The following DNAH8 variants were observed in gnomAD, a reference collection of about 807,000 sequenced individuals.
DNAH8 encodes dynein axonemal heavy chain 8.
In DNAH8, 382 loss-of-function variants were observed where a neutral mutation model predicts 562.1. That is an observed-to-expected ratio of 0.68 (90% CI 0.63 to 0.74). The LOEUF is 0.74. Among genes scored for constraint, DNAH8 ranks in the 30% least tolerant of loss-of-function variants. The pLI is 0.00. For missense variants in DNAH8, 5,203 were observed against 5,620.4 expected, an observed-to-expected ratio of 0.93 and a Z score of 2.37; for synonymous variants, 1,881 against 1,919.4, an observed-to-expected ratio of 0.98 and a Z score of 0.52.
rs57355402 is a variant in DNAH8 at position 38,937,721 on chromosome 6, T to C, written c.11564-253T>C. Among the ~76,000 whole-genome samples the C allele has an allele frequency of 0.091, 13,785 of 152,086 alleles. 821 individuals are homozygous for C. The highest frequency in any genetic ancestry group is 0.28 in the East Asian group (1,454 of 5,158). ...TGTGAAGACCCAATCAAATGGGTCT[T>C]TTGCTTTTTGCAGATGTTTAGGCAG... On this transcript the variant is annotated intron_variant, in intron 77 of 92. Coordinates refer to ENST00000327475, the MANE Select transcript of DNAH8 (RefSeq NM_001206927.2).
At chr6:38,759,952 A>T (rs1460068590) in intron 10 of DNAH8, among the ~76,000 whole-genome samples, 1 of 152,190 alleles carries the variant, frequency 6.6e-6, no homozygotes, top group East Asian at 1.9e-4. Context: ...AGTGGTCCCT[A>T]TACCTATCAC....
At chr6:39,015,290 G>A (rs73412498) in intron 91 of DNAH8, among the ~76,000 whole-genome samples, 1,952 of 152,194 alleles carry the variant, frequency 0.013, 48 homozygotes, top group African/African-American at 0.042. Flanking sequence ...ACTTTAAAAA[G>A]CAAAGTGTTA....
chr6:38,926,960 A>G (rs1034449149), intron 74 of DNAH8, among the ~76,000 whole-genome samples: 3 of 152,146 alleles, frequency 2.0e-5, no homozygotes, highest in Non-Finnish European at 4.4e-5. Flanking sequence ...CATGTTGTGG[A>G]CTTAGAATCT....
At chr6:38,929,030 A>G (rs1257995582) in intron 74 of DNAH8, among the ~76,000 whole-genome samples, 1 of 152,198 alleles carries the variant, frequency 6.6e-6, no homozygotes, top group Non-Finnish European at 1.5e-5. Flanking sequence ...TGCCAATAGG[A>G]GACAGAATAC....
chr6:38,880,914 G>A lies in DNAH8; in HGVS notation c.7859-1996G>A, dbSNP rs1778426786. On this transcript the variant is annotated intron_variant, in intron 53 of 92. Coordinates refer to ENST00000327475, the MANE Select transcript of DNAH8 (RefSeq NM_001206927.2). ...GTGGTGGCGGGTGCCTGTAATCCCA[G>A]CTACTCAGGAGGCTGAGGCAGGAAA... Among the ~76,000 whole-genome samples, 3 of 152,182 alleles carry A rather than the reference G, an allele frequency of 2.0e-5. No homozygotes were observed. The South Asian group carries it at 6.2e-4, about 31-fold the overall frequency.
intron 42 of DNAH8, among the ~76,000 whole-genome samples, chr6:38,858,581 A>G (rs997218530): frequency 6.6e-6 from 1 of 152,182 alleles, no homozygotes; most frequent in Non-Finnish European, 1.5e-5. Context: ...AGTTGGTGAA[A>G]AGAGCAGAAT....
chr6:38,948,433 G>A (rs186322116), intron 80 of DNAH8, among the ~76,000 whole-genome samples: 4 of 151,866 alleles, frequency 2.6e-5, no homozygotes, highest in African/African-American at 9.7e-5. Flanking sequence ...CTGCCTCCTC[G>A]GTTCAAGTGA....
intron 8 of DNAH8, among the ~76,000 whole-genome samples, chr6:38,748,354 T>A (rs1765133367): frequency 6.6e-6 from 1 of 152,136 alleles, no homozygotes; most frequent in Admixed American, 6.5e-5. Context: ...ATATATTGGA[T>A]GACAATGTAA....
At chr6:38,854,720 G>A (rs1776045543) in intron 41 of DNAH8, among the ~76,000 whole-genome samples, 1 of 151,884 alleles carries the variant, frequency 6.6e-6, no homozygotes, top group Non-Finnish European at 1.5e-5. Flanking sequence ...ATTAGGCTGA[G>A]GATTTAGCAT....
At chr6:38,945,192 A>T (rs1761286148) in intron 79 of DNAH8, among the ~76,000 whole-genome samples, 1 of 152,218 alleles carries the variant, frequency 6.6e-6, no homozygotes, top group Non-Finnish European at 1.5e-5. Context: ...AAAAATAAAA[A>T]GCAAACAAAT....
intron 70 of DNAH8, among the ~76,000 whole-genome samples, chr6:38,919,822 G>A (rs1416073090): frequency 1.3e-5 from 2 of 152,038 alleles, no homozygotes; most frequent in Non-Finnish European, 2.9e-5. Flanking sequence ...TACATTCTTA[G>A]CCCTTACATA....
In DNAH8 at chr6:38,913,964, T is replaced by C. The variant is rs1358885301; in HGVS notation, c.9963+12T>C. On this transcript the variant is annotated intron_variant, in intron 67 of 92. Coordinates refer to ENST00000327475, the MANE Select transcript of DNAH8 (RefSeq NM_001206927.2). ...TAAAAGCAGACGAAGTGAGTTTGCA[T>C]TTATTTTATCACTGATGAGGAATAT... is the stretch of plus-strand genomic sequence containing the variant. 1 of 1,593,394 alleles carries C rather than the reference T, an allele frequency of 6.3e-7. No homozygotes were observed. Among genetic ancestry groups the C allele is most frequent in the African/African-American group, 1.3e-5 (1 of 74,506 alleles).
Position 38,790,831 on chromosome 6 carries a change from A to C in DNAH8, c.2781+426A>C, listed in dbSNP as rs985985655. ...GGGCAAGACTCCGTCTAAAAAAAAA[A>C]AAAACAAAACAAAAAACTTTATATT... is the stretch of plus-strand genomic sequence containing the variant. On this transcript the variant is annotated intron_variant, in intron 20 of 92. Transcript: ENST00000327475. Among the ~76,000 whole-genome samples, 59 of 152,070 alleles carry C rather than the reference A, an allele frequency of 3.9e-4. 1 individual carries two copies. The highest frequency in any genetic ancestry group is 5.1e-4 in the Non-Finnish European group (35 of 67,978).
At chr6:38,788,638 TA>T (rs1189379289) in intron 18 of DNAH8, among the ~76,000 whole-genome samples, 3 of 152,240 alleles carry the variant, frequency 2.0e-5, no homozygotes, top group Non-Finnish European at 4.4e-5. Flanking sequence ...AGTATTTGTC[TA>T]TTTTTTTAGT....
chr6:38,735,154 G>A (rs1582860200), intron 5 of DNAH8, among the ~76,000 whole-genome samples: 2 of 152,196 alleles, frequency 1.3e-5, no homozygotes, highest in Middle Eastern at 3.4e-3. Flanking sequence ...TTCTTAAATT[G>A]GGAATAATAA....
At chr6:38,938,381 A>T (rs1783140466) in intron 78 of DNAH8, among the ~76,000 whole-genome samples, 155 bp downstream of exon 78, 1 of 152,248 alleles carries the variant, frequency 6.6e-6, no homozygotes, top group Non-Finnish European at 1.5e-5. Flanking sequence ...AAAAGGTGGT[A>T]CATATACAAC....
At chr6:38,789,760 T>C in intron 18 of DNAH8, 43 bp from the exon 19 acceptor site, 2 of 1,432,242 alleles carry the variant, frequency 1.4e-6, no homozygotes, top group Non-Finnish European at 1.9e-6. Flanking sequence ...ACTGCTACTT[T>C]AAAATGAATT....
intron 77 of DNAH8, among the ~76,000 whole-genome samples, chr6:38,936,809 G>A (rs1783008551): frequency 6.6e-6 from 1 of 152,164 alleles, no homozygotes; most frequent in Admixed American, 6.5e-5. Flanking sequence ...ACAGTAGACA[G>A]CATACCCGTT....
At chr6:38,836,360 T>C (rs1774292254) in intron 32 of DNAH8, among the ~76,000 whole-genome samples, 1 of 151,726 alleles carries the variant, frequency 6.6e-6, no homozygotes, top group Non-Finnish European at 1.5e-5. Flanking sequence ...GGCAGGAGAA[T>C]TGCTTGAACC....
Sources: allele counts gnomAD v4.1 joint callset (sites outside exome capture counted in the v4.1 genomes callset), GRCh38; gene constraint gnomAD v4.1.1; transcripts MANE v1.5; gene names NCBI Gene and HGNC (gene_info 2026-07-23, HGNC 2026-07-21).